Variants in SCARF1 observed in about 807,000 individuals in gnomAD.
SCARF1 encodes scavenger receptor class F member 1.
Under a neutral mutation model 76.3 loss-of-function variants are expected in SCARF1, and 49 were observed. That is an observed-to-expected ratio of 0.64 (90% CI 0.51 to 0.81). SCARF1 has a LOEUF of 0.81. SCARF1 is among the 40% of genes least tolerant of loss of function. The probability of loss-of-function intolerance (pLI) is 0.00; values close to 1 mark genes in which losing one functional copy is unlikely to be tolerated. For synonymous variants in SCARF1, 495 were observed against 474.6 expected (o/e 1.04, Z -0.56); for missense variants, 1,098 against 1,143.9 (o/e 0.96, Z 0.58).
rs766656890 is a variant in SCARF1, at chr17:1,636,931, G to A, written c.1486+10C>T. On this transcript the variant is annotated intron_variant, in intron 9 of 10. Transcript: ENST00000263071. The stretch of plus-strand genomic sequence containing the variant: ...CCAATCCCAGACCCCGGCCCCCAGC[G>A]CCCACTGACCTGTCACCCAGGGTAG... The A allele has an allele frequency of 1.2e-5, 20 of 1,614,006 alleles. No homozygotes were observed. The highest frequency in any genetic ancestry group is 4.5e-5 in the East Asian group (2 of 44,884).
At chr17:1,642,119 CT>C (rs1052631804) in intron 4 of SCARF1, among the ~76,000 whole-genome samples, 24 of 151,816 alleles carry the variant, frequency 1.6e-4, no homozygotes, top group African/African-American at 5.6e-4. Context: ...ACTCGATCCA[CT>C]TATTTATTAT....
chr17:1,641,123 G>A (rs1485311059), intron 4 of SCARF1, among the ~76,000 whole-genome samples: 3 of 152,184 alleles, frequency 2.0e-5, no homozygotes, highest in Non-Finnish European at 4.4e-5. Flanking sequence ...TCACCCAGGG[G>A]TCCTCAAACC....
Position 1,634,372 on chromosome 17 carries a change from G to C in SCARF1, c.*386C>G. ...CCACTGCACTCCAGCCTGGGGGACA[G>C]AGGGAGATTCTGTCTCAAAAAAAAA... On this transcript the variant is annotated 3_prime_UTR_variant, in exon 11 of 11. Coordinates refer to ENST00000263071, the MANE Select transcript of SCARF1 (RefSeq NM_003693.4). The C allele has an allele frequency of 2.8e-6, 1 of 363,268 alleles. No homozygotes were observed. Among genetic ancestry groups the C allele is most frequent in the Non-Finnish European group, 4.8e-6 (1 of 207,340 alleles). 22.5% of individuals were successfully genotyped at this position (363,268 alleles called of 1,614,324 possible). A position where few individuals can be genotyped will look rare whatever the true frequency, so the allele number is the denominator to read the frequency against.
rs1446265683 is a variant in SCARF1 at position 1,638,920 on chromosome 17, C to T, written c.1250G>A (p.Gly417Asp). The T allele has an allele frequency of 5.0e-6, 8 of 1,590,972 alleles. No homozygotes were observed. The highest frequency in any genetic ancestry group is 4.6e-5 in the East Asian group (2 of 43,890). ...CGCGATGAGGGCAGTGTCCCGACTG[C>T]CAGAGCCTGGGGGAGCCAGAAACGG... ...PVSGSCQPGSGSRDTALIAGS... is the reference protein window; with the variant it reads ...PVSGSCQPGSDSRDTALIAGS... The change falls in exon 8 of 11, where the codon GGC (glycine) becomes GAC (aspartate). Residue 417 changes from glycine (G) to aspartate (D), a missense_variant. Gly to Asp is a moderately conservative substitution (Grantham distance 94). Transcript: ENST00000263071.
intron 10 of SCARF1, 89 bp downstream of exon 10, chr17:1,636,620 A>AG: frequency 6.8e-7 from 1 of 1,466,666 alleles, no homozygotes; most frequent in Non-Finnish European, 9.2e-7. Flanking sequence ...TCAAAAAAAA[A>AG]TAAAAATAAA....
chr17:1,640,386 G>T lies in SCARF1; in HGVS notation c.1010+62C>A. 1.4e-6 allele frequency: 2 copies of T among 1,424,394 alleles called. No homozygotes were observed. Among genetic ancestry groups the T allele is most frequent in the East Asian group, 5.0e-5 (2 of 39,886 alleles). The allele number at this position is 1,424,394 out of a possible 1,614,324, so 88.2% of individuals were successfully genotyped here. A position where few individuals can be genotyped will look rare whatever the true frequency, so the allele number is the denominator to read the frequency against. On this transcript the variant is annotated intron_variant, in intron 5 of 10. Coordinates refer to ENST00000263071, the MANE Select transcript of SCARF1 (RefSeq NM_003693.4). This position sits in a 1 kb window ranked among gnomAD's most constrained non-coding sequence, Gnocchi z 4.7. ...GGGGAGGGTGGTGCTCTCGGAGAGA[G>T]CCGCTGAGCTGAGGGTCCTGGGGGA... is the stretch of plus-strand genomic sequence containing the variant.
At chr17:1,638,997 G>T in intron 7 of SCARF1, 71 bp from the exon 8 acceptor site, 1 of 1,448,464 alleles carries the variant, frequency 6.9e-7, no homozygotes, top group South Asian at 1.5e-5. Flanking sequence ...GCTCTGAGTT[G>T]CCTGCTACCC....
chr17:1,634,636 C>A lies in SCARF1; in HGVS notation c.*122G>T. The A allele has an allele frequency of 7.2e-7, 1 of 1,393,624 alleles. No individual in the cohort carries two copies. The highest frequency in any genetic ancestry group is 9.6e-7 in the Non-Finnish European group (1 of 1,040,456). The allele number at this position is 1,393,624 out of a possible 1,614,324, so 86.3% of individuals were successfully genotyped here. A position where few individuals can be genotyped will look rare whatever the true frequency, so the allele number is the denominator to read the frequency against. ...GGGCCTGGGCCAACTGGCCTGGAAG[C>A]CTTGCCTTTTCCCTGTGGAGGCGCA... On this transcript the variant is annotated 3_prime_UTR_variant, in exon 11 of 11. Transcript: ENST00000263071.
At chr17:1,638,972 ACACATCCT>A (rs1909819263) in intron 7 of SCARF1, 46 bp from the exon 8 acceptor site, 1 of 1,521,112 alleles carries the variant, frequency 6.6e-7, no homozygotes, top group Non-Finnish European at 8.9e-7. Flanking sequence ...CCTGTCTCCT[ACACATCCT>A]GTCTTTGCTC....
At chr17:1,636,553 C>T (rs1909573679) in intron 10 of SCARF1, among the ~76,000 whole-genome samples, 156 bp downstream of exon 10, 1 of 152,090 alleles carries the variant, frequency 6.6e-6, no homozygotes, top group African/African-American at 2.4e-5. Flanking sequence ...GCAGAGGTTG[C>T]AGTGAGCTGA....
chr17:1,640,553 A>C lies in SCARF1; in HGVS notation c.905T>G (p.Phe302Cys). Residue 302 changes from phenylalanine to cysteine, a missense_variant, in exon 5 of 11, where the codon TTT (phenylalanine) becomes TGT (cysteine). By Grantham distance (205) the Phe-to-Cys change is radical (BLOSUM62 -2). Transcript: ENST00000263071. This position sits in a 1 kb window ranked among gnomAD's most constrained non-coding sequence, Gnocchi z 4.7. The part of the protein sequence containing the change: ...QCQQPCLPGT[F>C]GESCEQQCPH... ...GCACTGCTGTTCGCAGCTCTCGCCA[A>C]AGGTGCCAGGCAGGCAGGGCTGCTG... The C allele has an allele frequency of 6.2e-7, 1 of 1,609,282 alleles. No homozygotes were observed. The highest frequency in any genetic ancestry group is 8.5e-7 in the Non-Finnish European group (1 of 1,178,250).
chr17:1,640,819 G>A lies in SCARF1; in HGVS notation c.792-153C>T, dbSNP rs969883206. Among the ~76,000 whole-genome samples, 50 of 152,004 alleles carry A rather than the reference G, an allele frequency of 3.3e-4. No homozygotes were observed. Among genetic ancestry groups the A allele is most frequent in the African/African-American group, 1.1e-3 (44 of 41,300 alleles). ...CAGGTTTGAGCCTCAGTTTCCCCAC[G>A]TTGTACAATGAGGACAAATGAGGGC... On this transcript the variant is annotated intron_variant, in intron 4 of 10. Transcript: ENST00000263071. The surrounding 1 kb of genome is among the most constrained non-coding windows in gnomAD (Gnocchi z 4.7).
intron 8 of SCARF1, 45 bp downstream of exon 8, chr17:1,638,761 C>G: frequency 6.4e-7 from 1 of 1,550,776 alleles, no homozygotes; most frequent in Non-Finnish European, 8.7e-7. Flanking sequence ...CCTGCTCCCA[C>G]CCTGTGGCCT....
intron 4 of SCARF1, among the ~76,000 whole-genome samples, chr17:1,642,059 A>C (rs183489451): frequency 6.0e-4 from 92 of 152,306 alleles, no homozygotes; most frequent in African/African-American, 2.2e-3. Flanking sequence ...AGCCAGTCAA[A>C]GTTTGAAAGC....
At position 1,644,018 on chromosome 17, in the gene SCARF1, C is replaced by A; in HGVS notation, c.266-51G>T. 8.0e-7 allele frequency: 1 copy of A among 1,250,488 alleles called. No homozygotes were observed. Among genetic ancestry groups the A allele is most frequent in the South Asian group, 2.6e-5 (1 of 38,320 alleles). The allele number at this position is 1,250,488 out of a possible 1,614,324, so 77.5% of individuals were successfully genotyped here. A position where few individuals can be genotyped will look rare whatever the true frequency, so the allele number is the denominator to read the frequency against. On this transcript the variant is annotated intron_variant, in intron 3 of 10. Transcript: ENST00000263071. The surrounding 1 kb of genome is among the most constrained non-coding windows in gnomAD (Gnocchi z 4.8). ...CAGCGGGCTCAGGGCCGCGCGCAGA[C>A]CCTTACCCTGCGTCCCCTTCCTCAA...
At position 1,635,205 on chromosome 17, in the gene SCARF1, C is replaced by A. The variant is rs201460712; in HGVS notation, c.2046G>T (p.Gln682His). Residue 682 changes from glutamine (Q) to histidine (H), a missense_variant, in exon 11 of 11, where the codon CAG becomes CAT. Gln to His is a conservative substitution (Grantham distance 24, BLOSUM62 0). Transcript: ENST00000263071. Reference sequence around the variant, plus strand: ...TCGTGGTCACAGGGCCCGAGCTCTCCTGGACGCTGCCCTCAATGGCTTCCA... The same window carrying A: ...TCGTGGTCACAGGGCCCGAGCTCTCATGGACGCTGCCCTCAATGGCTTCCA... ...EHVEAIEGSV[Q>H]ESSGPVTTIY... 844 of 1,613,232 alleles carry A rather than the reference C, an allele frequency of 5.2e-4. No individual in the cohort carries two copies. Among genetic ancestry groups the A allele is most frequent in the Non-Finnish European group, 6.8e-4 (808 of 1,179,998 alleles).
Position 1,635,217 on chromosome 17 carries a change from C to T in SCARF1, c.2034G>A (p.Glu678=), listed in dbSNP as rs750351848. The T allele has an allele frequency of 6.2e-7, 1 of 1,613,080 alleles. No homozygotes were observed. Among genetic ancestry groups the T allele is most frequent in the South Asian group, 1.1e-5 (1 of 91,080 alleles). The change falls in exon 11 of 11, where the codon GAG becomes GAA. Residue 678 remains glutamate, a synonymous_variant. Coordinates refer to ENST00000263071, the MANE Select transcript of SCARF1 (RefSeq NM_003693.4). ...GGCCCGAGCTCTCCTGGACGCTGCC[C>T]TCAATGGCTTCCACGTGCTCAGCCA... is the stretch of plus-strand genomic sequence containing the variant. The part of the protein sequence containing the change: ...RTVAEHVEAI[E]GSVQESSGPV...
chr17:1,643,323 A>ACCGGTGTCCGCCCCGCCCC (rs1910229107), intron 4 of SCARF1, 119 bp downstream of exon 4: 1 of 27,102 alleles, frequency 3.7e-5, no homozygotes, highest in Non-Finnish European at 6.0e-5. Context: ...CGCCCCGCCC[A>ACCGGTGTCCGCCCCGCCCC]CCTGTCTTCG....
In SCARF1 at chr17:1,643,720, G is replaced by A; in HGVS notation, c.513C>T (p.Arg171=). The change falls in exon 4 of 11, where the codon CGC becomes CGT. Residue 171 remains arginine (R), a synonymous_variant. Transcript: ENST00000263071. Reference sequence around the variant, plus strand: ...CGCAGGCGCCCGTGGCCTGCTCGCAGCGCGCCGCCGCGGTGTTGCACTGGC... The same window carrying A: ...CGCAGGCGCCCGTGGCCTGCTCGCAACGCGCCGCCGCGGTGTTGCACTGGC... The part of the protein sequence containing the change: ...RPCQCNTAAA[R]CEQATGACVC... 1 of 1,332,586 alleles carries A rather than the reference G, an allele frequency of 7.5e-7. No individual in the cohort carries two copies. The highest frequency in any genetic ancestry group is 2.0e-5 in the South Asian group (1 of 50,924). The allele number at this position is 1,332,586 out of a possible 1,614,324, so 82.5% of individuals were successfully genotyped here. A position where few individuals can be genotyped will look rare whatever the true frequency, so the allele number is the denominator to read the frequency against.
Sources: allele counts gnomAD v4.1 joint callset (sites outside exome capture counted in the v4.1 genomes callset), GRCh38; gene constraint gnomAD v4.1.1; non-coding constraint Gnocchi (gnomAD v3.1); transcripts MANE v1.5; gene names NCBI Gene and HGNC (gene_info 2026-07-23, HGNC 2026-07-21).